Variants in DCDC2 observed in about 807,000 individuals in gnomAD.
The protein encoded by DCDC2 is doublecortin domain containing 2, also known as doublecortin domain-containing protein 2.
In DCDC2, 40 loss-of-function variants were observed where a neutral mutation model predicts 50.2. The observed-to-expected ratio is 0.80, with a 90% CI of 0.62 to 1.04. The LOEUF (loss-of-function observed/expected upper bound fraction) is 1.04. Ranked by LOEUF, DCDC2 falls within the 50% of genes least tolerant of loss-of-function variation. The pLI, the probability that DCDC2 is intolerant of heterozygous loss-of-function variation, is 0.00. For missense variants in DCDC2, 570 were observed against 581.9 expected (o/e 0.98, Z 0.21); for synonymous variants, 234 against 210.6 (o/e 1.11, Z -0.96).
At chr6:24,279,214 C>A (rs1238967275) in intron 6 of DCDC2, among the ~76,000 whole-genome samples, 1 of 152,212 alleles carries the variant, frequency 6.6e-6, no homozygotes, top group African/African-American at 2.4e-5. Flanking sequence ...CAGCAAGAAA[C>A]TCCCTCTTGC....
At chr6:24,345,221 T>C (rs1290299310) in intron 2 of DCDC2, among the ~76,000 whole-genome samples, 1 of 152,190 alleles carries the variant, frequency 6.6e-6, no homozygotes, top group Non-Finnish European at 1.5e-5. Flanking sequence ...AATTAATGCC[T>C]GGAATCCCAA....
intron 2 of DCDC2, among the ~76,000 whole-genome samples, chr6:24,323,149 G>A (rs908948502): frequency 6.6e-6 from 1 of 152,226 alleles, no homozygotes; most frequent in Non-Finnish European, 1.5e-5. Context: ...CACTGAGGCT[G>A]TAGTGAGCCA....
At position 24,236,395 on chromosome 6, in the gene DCDC2, C is replaced by A. The variant is rs532214380; in HGVS notation, c.923-31293G>T. 3.9e-4 allele frequency among the ~76,000 whole-genome samples: 59 copies of A among 152,108 alleles called. 1 individual carries two copies. The highest frequency in any genetic ancestry group is 2.2e-3 in the Admixed American group (34 of 15,264). On this transcript the variant is annotated intron_variant, in intron 7 of 9. Transcript: ENST00000378454. ...GCTTTTACCATATACAAGAATTAAC[C>A]CAAAATGATTAAAGATTTAAATGTA... is the stretch of plus-strand genomic sequence containing the variant.
intron 7 of DCDC2, among the ~76,000 whole-genome samples, chr6:24,270,330 CTTACAAAATATCAGA>C (rs2076279924): frequency 6.6e-6 from 1 of 152,148 alleles, no homozygotes; most frequent in African/African-American, 2.4e-5. Flanking sequence ...GTAAATGAAG[CTTACAAAATATCAGA>C]TTAGAATGCA....
At chr6:24,255,532 T>G (rs1305295346) in intron 7 of DCDC2, among the ~76,000 whole-genome samples, 1 of 152,140 alleles carries the variant, frequency 6.6e-6, no homozygotes, top group African/African-American at 2.4e-5. Context: ...GAAAAAGATA[T>G]TTTTGATACA....
chr6:24,274,696 T>G (rs1763314492), intron 7 of DCDC2, among the ~76,000 whole-genome samples: 1 of 150,562 alleles, frequency 6.6e-6, no homozygotes, highest in Non-Finnish European at 1.5e-5. Flanking sequence ...GATAGAAGCA[T>G]TGCACATTCA....
At chr6:24,187,993 T>C (rs757933128) in intron 8 of DCDC2, among the ~76,000 whole-genome samples, 11 of 152,250 alleles carry the variant, frequency 7.2e-5, no homozygotes, top group Non-Finnish European at 1.5e-4. Flanking sequence ...TCTTTGACCA[T>C]TGGATTGTAA....
chr6:24,233,570 G>A (rs1425710251), intron 7 of DCDC2, among the ~76,000 whole-genome samples: 17 of 152,106 alleles, frequency 1.1e-4, no homozygotes, highest in Admixed American at 6.5e-5. Flanking sequence ...ATTGTTTGAC[G>A]CTACTGGGAA....
At chr6:24,285,300 G>A (rs569708473) in intron 6 of DCDC2, among the ~76,000 whole-genome samples, 1 of 152,240 alleles carries the variant, frequency 6.6e-6, no homozygotes, top group South Asian at 2.1e-4. Context: ...TGCTTTCTAT[G>A]GGATGCAAAT....
rs747975346 is a variant in DCDC2 at position 24,174,716 on chromosome 6, T to C, written c.*14A>G. On this transcript the variant is annotated 3_prime_UTR_variant, in exon 10 of 10. Coordinates refer to ENST00000378454, the MANE Select transcript of DCDC2 (RefSeq NM_016356.5). ...TTTTTCTTGCGATCCATATACTCTC[T>C]TTTTAAAAATGTTCTAAGCCACGGC... is the stretch of plus-strand genomic sequence containing the variant. The C allele has an allele frequency of 1.3e-5, 21 of 1,581,358 alleles. No individual in the cohort carries two copies. Among genetic ancestry groups the C allele is most frequent in the Admixed American group, 1.7e-5 (1 of 59,796 alleles).
In DCDC2 at chr6:24,205,378, T is replaced by C. The variant is rs1761697656; in HGVS notation, c.923-276A>G. On this transcript the variant is annotated intron_variant, in intron 7 of 9. Transcript: ENST00000378454. ...CCCTTTGGCTACTGATTTACTAACA[T>C]AGCCCTTTGTACAGGCATTGAGATG... 11 of 1,449,630 alleles carry C rather than the reference T, an allele frequency of 7.6e-6. No individual in the cohort carries two copies. The South Asian group carries it at 8.6e-5, about 11-fold the overall frequency. 89.8% of individuals were successfully genotyped at this position (1,449,630 alleles called of 1,614,324 possible).
chr6:24,200,721 A>C (rs1451485021), intron 8 of DCDC2, among the ~76,000 whole-genome samples: 1 of 152,212 alleles, frequency 6.6e-6, no homozygotes, highest in Non-Finnish European at 1.5e-5. Context: ...ATAAAGAGTC[A>C]AGACCCATCG....
intron 4 of DCDC2, among the ~76,000 whole-genome samples, chr6:24,297,284 GAAC>G (rs1466750960): frequency 6.6e-6 from 1 of 151,974 alleles, no homozygotes; most frequent in South Asian, 2.1e-4. Context: ...ACAAAGAGAA[GAAC>G]AACAGGCACT....
chr6:24,299,114 A>G (rs1759319922), intron 4 of DCDC2, among the ~76,000 whole-genome samples: 1 of 152,248 alleles, frequency 6.6e-6, no homozygotes, highest in African/African-American at 2.4e-5. Flanking sequence ...TGGGCTGGAT[A>G]AAGAAAATAT....
At chr6:24,191,701 TG>T (rs2113751276) in intron 8 of DCDC2, among the ~76,000 whole-genome samples, 1 of 152,316 alleles carries the variant, frequency 6.6e-6, no homozygotes, top group Admixed American at 6.5e-5. Flanking sequence ...GGTTTCTGGT[TG>T]AACACAGCAG....
At chr6:24,244,796 A>G (rs754727277) in intron 7 of DCDC2, among the ~76,000 whole-genome samples, 4 of 152,238 alleles carry the variant, frequency 2.6e-5, no homozygotes, top group Non-Finnish European at 5.9e-5. Context: ...AAATTTCTCA[A>G]TGCAAATCTT....
intron 8 of DCDC2, among the ~76,000 whole-genome samples, chr6:24,184,265 T>C (rs969683470): frequency 2.0e-5 from 3 of 152,172 alleles, no homozygotes; most frequent in Non-Finnish European, 4.4e-5. Flanking sequence ...ACATTACTTT[T>C]ACTGTTTAAA....
the DCDC2 span, among the ~76,000 whole-genome samples, chr6:24,372,780 G>T: frequency 6.6e-6 from 1 of 152,096 alleles, no homozygotes; most frequent in Non-Finnish European, 1.5e-5. Context: ...GTGGGGAGAG[G>T]GGGGAGGGAT....
intron 2 of DCDC2, among the ~76,000 whole-genome samples, chr6:24,339,303 T>A (rs1392817929): frequency 6.6e-6 from 1 of 152,030 alleles, no homozygotes; most frequent in East Asian, 1.9e-4. Context: ...GCCGCCTGTA[T>A]CCTCCCACAC....
Sources: allele counts gnomAD v4.1 joint callset (sites outside exome capture counted in the v4.1 genomes callset), GRCh38; gene constraint gnomAD v4.1.1; transcripts MANE v1.5; gene names NCBI Gene and HGNC (gene_info 2026-07-23, HGNC 2026-07-21).